The following FRY variants were observed in gnomAD, a reference collection of about 807,000 sequenced individuals.
FRY encodes FRY microtubule binding protein.
In FRY, 128 loss-of-function variants were observed where a neutral mutation model predicts 348.4. That is an observed-to-expected ratio of 0.37 (90% CI 0.32 to 0.43). FRY has a LOEUF of 0.43. FRY is among the 20% of genes least tolerant of loss of function. FRY has a pLI of 1.00. For missense variants in FRY, 2,736 were observed against 3,695.2 expected, an observed-to-expected ratio of 0.74 and a Z score of 6.73; for synonymous variants, 1,370 against 1,374.7, an observed-to-expected ratio of 1.00 and a Z score of 0.08.
chr13:32,154,380 G>A lies in FRY; in HGVS notation c.1480-1111G>A, dbSNP rs137996616. Among the ~76,000 whole-genome samples the A allele has an allele frequency of 4.6e-3, 704 of 152,282 alleles. 4 individuals are homozygous for A. Among genetic ancestry groups the A allele is most frequent in the African/African-American group, 0.015 (643 of 41,558 alleles). On this transcript the variant is annotated intron_variant, in intron 14 of 60. Transcript: ENST00000542859. ...GAGAAATATTTAGCAAATCCTGGTT[G>A]AATTATGATAACTCCTTAAAGCTTG...
Position 32,239,590 on chromosome 13 carries a change from G to A in FRY, c.6517-121G>A. ...ATATTAGCCAAGCTAAGTATTTCCT[G>A]TAATTACCAAAAAGTGTATCAATCT... On this transcript the variant is annotated intron_variant, in intron 45 of 60. Transcript: ENST00000542859. The surrounding 1 kb of genome is among the most constrained non-coding windows in gnomAD (Gnocchi z 4.3). The A allele has an allele frequency of 1.3e-6, 1 of 759,758 alleles. No homozygotes were observed. Among genetic ancestry groups the A allele is most frequent in the East Asian group, 2.7e-5 (1 of 37,548 alleles). 47.1% of individuals were successfully genotyped at this position (759,758 alleles called of 1,614,324 possible).
At chr13:32,143,134 G>T (rs530203487) in intron 11 of FRY, among the ~76,000 whole-genome samples, 2 of 152,182 alleles carry the variant, frequency 1.3e-5, no homozygotes, top group African/African-American at 2.4e-5. Flanking sequence ...GTCACAAAAG[G>T]CCCCTCATGT....
intron 1 of FRY, among the ~76,000 whole-genome samples, chr13:32,045,782 A>G (rs1341826775): frequency 6.6e-6 from 1 of 152,188 alleles, no homozygotes; most frequent in Non-Finnish European, 1.5e-5. Context: ...CTGTGGTACT[A>G]CAAACACAAT....
chr13:32,256,751 G>A (rs1478050384), intron 51 of FRY, among the ~76,000 whole-genome samples: 2 of 152,112 alleles, frequency 1.3e-5, no homozygotes, highest in African/African-American at 4.8e-5. Context: ...TTAGCTATAT[G>A]ACCTTAAGCA....
At chr13:32,168,041 A>G (rs751800005) in intron 17 of FRY, among the ~76,000 whole-genome samples, 5 of 152,208 alleles carry the variant, frequency 3.3e-5, no homozygotes, top group Admixed American at 6.5e-5. Flanking sequence ...AATAAGATGT[A>G]TATAGAGAGA....
At chr13:32,095,046 A>G (rs1410471947) in intron 2 of FRY, among the ~76,000 whole-genome samples, 1 of 152,152 alleles carries the variant, frequency 6.6e-6, no homozygotes, top group African/African-American at 2.4e-5. Context: ...AGCCATTTTA[A>G]CTGGGGTGTG....
chr13:32,229,144 T>C (rs763601328), intron 40 of FRY, among the ~76,000 whole-genome samples: 9 of 152,282 alleles, frequency 5.9e-5, no homozygotes, highest in Admixed American at 2.6e-4. Flanking sequence ...CCAGAAACAA[T>C]AGGAAGCATA....
At chr13:32,044,363 G>A (rs74785104) in intron 1 of FRY, among the ~76,000 whole-genome samples, 1 of 152,178 alleles carries the variant, frequency 6.6e-6, no homozygotes, top group African/African-American at 2.4e-5. Flanking sequence ...GCCTCCCTAA[G>A]CTAGGTATCG....
chr13:32,080,140 C>G (rs1461961967), intron 2 of FRY, among the ~76,000 whole-genome samples: 1 of 152,172 alleles, frequency 6.6e-6, no homozygotes, highest in Admixed American at 6.5e-5. Context: ...TTATATTTAT[C>G]CATTCTGTTC....
In FRY at chr13:32,294,562, G is replaced by A; in HGVS notation, c.8775G>A (p.Arg2925=). 6.2e-7 allele frequency: 1 copy of A among 1,613,068 alleles called. No individual in the cohort carries two copies. The highest frequency in any genetic ancestry group is 8.5e-7 in the Non-Finnish European group (1 of 1,179,020). ...TCGGCAAAGCTTTGCGGCAGATCAGGGAGTGCAGGTGACTCTGCTATTTCT... is the reference window on the plus strand; with the variant it reads ...TCGGCAAAGCTTTGCGGCAGATCAGAGAGTGCAGGTGACTCTGCTATTTCT... ...NELGKALRQI[R]ECRSLWPNDI... The change falls in exon 60 of 61, where the codon AGG becomes AGA. Residue 2925 remains arginine, a synonymous_variant. Transcript: ENST00000542859.
chr13:32,136,785 T>C, intron 10 of FRY, 86 bp from the exon 11 acceptor site: 1 of 857,786 alleles, frequency 1.2e-6, no homozygotes, highest in Non-Finnish European at 2.0e-6. Flanking sequence ...CCGAGGGAGA[T>C]GGCAAGGTAG....
At chr13:32,063,378 C>A (rs1321952463) in intron 1 of FRY, among the ~76,000 whole-genome samples, 1 of 152,142 alleles carries the variant, frequency 6.6e-6, no homozygotes, top group Non-Finnish European at 1.5e-5. Flanking sequence ...TCGTTTCTGG[C>A]AGGGCTCAGT....
Position 32,282,244 on chromosome 13 carries a change from G to A in FRY, c.8469+3696G>A, listed in dbSNP as rs192661826. Among the ~76,000 whole-genome samples, 235 of 152,302 alleles carry A rather than the reference G, an allele frequency of 1.5e-3. 1 individual carries two copies. Among genetic ancestry groups the A allele is most frequent in the Non-Finnish European group, 3.0e-3 (201 of 68,034 alleles). On this transcript the variant is annotated intron_variant, in intron 58 of 60. Transcript: ENST00000542859. ...CTAAGTGATTCTCTCCAACACTCCTGTGTAATCAGGTTCTCTGTCTTCTGG... is the reference window on the plus strand; with the variant it reads ...CTAAGTGATTCTCTCCAACACTCCTATGTAATCAGGTTCTCTGTCTTCTGG...
intron 55 of FRY, among the ~76,000 whole-genome samples, chr13:32,274,473 C>G (rs141620806): frequency 6.6e-6 from 1 of 151,428 alleles, no homozygotes; most frequent in East Asian, 1.9e-4. Flanking sequence ...TTTGGGAGGC[C>G]GAGGCGGGCG....
intron 58 of FRY, among the ~76,000 whole-genome samples, chr13:32,283,149 A>T (rs1200193776): frequency 2.0e-5 from 3 of 151,940 alleles, no homozygotes; most frequent in Admixed American, 2.0e-4. Flanking sequence ...TCAAAAAAAA[A>T]AAACAAAACA....
At chr13:32,275,071 T>C (rs1888454239) in intron 56 of FRY, 80 bp downstream of exon 56, 8 of 1,319,616 alleles carry the variant, frequency 6.1e-6, no homozygotes, top group Non-Finnish European at 8.7e-6. Context: ...ATGTTTGCGC[T>C]GTGGTTTGTT....
In FRY at chr13:32,255,566, T is replaced by C. The variant is rs78073922; in HGVS notation, c.7416+1172T>C. Among the ~76,000 whole-genome samples the C allele has an allele frequency of 2.0e-3, 301 of 152,264 alleles. 5 individuals are homozygous for C. The highest frequency in any genetic ancestry group is 0.014 in the Admixed American group (217 of 15,290). On this transcript the variant is annotated intron_variant, in intron 51 of 60. Transcript: ENST00000542859. The stretch of plus-strand genomic sequence containing the variant: ...ACCAATTCTTTCCCTGGAAAACAAG[T>C]TGAGCAGATCCGGTCCGTAAGCAGT...
At position 32,178,995 on chromosome 13, in the gene FRY, G is replaced by C; in HGVS notation, c.2833G>C (p.Ala945Pro). ...AAGAGCTTCCACTCCAGAAATAATGGCGACCACACCTGATGGTACAGTGAG... is the reference window on the plus strand; with the variant it reads ...AAGAGCTTCCACTCCAGAAATAATGCCGACCACACCTGATGGTACAGTGAG... ...HLRASTPEIM[A>P]TTPDGTVSYD... The change falls in exon 22 of 61, where the codon GCG (alanine) becomes CCG (proline). Residue 945 changes from alanine to proline, a missense_variant. Transcript: ENST00000542859. 1 of 1,613,912 alleles carries C rather than the reference G, an allele frequency of 6.2e-7. No homozygotes were observed. Among genetic ancestry groups the C allele is most frequent in the Non-Finnish European group, 8.5e-7 (1 of 1,179,878 alleles).
intron 1 of FRY, among the ~76,000 whole-genome samples, chr13:32,065,457 C>G (rs1023900907): frequency 4.0e-5 from 6 of 151,870 alleles, no homozygotes; most frequent in African/African-American, 1.5e-4. Flanking sequence ...AGGTGCCCAC[C>G]ACCACGCCTG....
Sources: allele counts gnomAD v4.1 joint callset (sites outside exome capture counted in the v4.1 genomes callset), GRCh38; gene constraint gnomAD v4.1.1; non-coding constraint Gnocchi (gnomAD v3.1); transcripts MANE v1.5; gene names NCBI Gene and HGNC (gene_info 2026-07-23, HGNC 2026-07-21).